Variants in MFAP5 observed in about 807,000 individuals in gnomAD.
The protein encoded by MFAP5 is microfibril associated protein 5, also known as microfibrillar-associated protein 5.
Under a neutral mutation model 30.1 loss-of-function variants are expected in MFAP5, and 19 were observed. The ratio of observed to expected loss-of-function variants is 0.63; its 90% CI spans 0.44 to 0.93. The LOEUF is 0.93. Among genes scored for constraint, MFAP5 ranks in the 40% least tolerant of loss-of-function variants. The pLI is 0.00. For missense variants in MFAP5, 210 were observed against 221.3 expected (o/e 0.95, Z 0.32); for synonymous variants, 92 against 72.9 (o/e 1.26, Z -1.33).
chr12:8,655,919 G>A (rs1401163783), intron 3 of MFAP5, 89 bp from the exon 4 acceptor site: 3 of 1,151,808 alleles, frequency 2.6e-6, no homozygotes, highest in East Asian at 4.7e-5. Context: ...GAAGCATAGT[G>A]CCCAGCGGAG....
At position 8,649,495 on chromosome 12, in the gene MFAP5, T is replaced by C; in HGVS notation, c.409+6A>G. The C allele has an allele frequency of 6.2e-7, 1 of 1,612,956 alleles. No homozygotes were observed. The highest frequency in any genetic ancestry group is 8.5e-7 in the Non-Finnish European group (1 of 1,179,062). On this transcript the variant is annotated splice_donor_region_variant and intron_variant, in intron 9 of 9. Transcript: ENST00000359478. ...CTCTCCATTAAACATCCAGACATCA[T>C]CTTACCTTTCATAGCTTCGTGTTCC... is the stretch of plus-strand genomic sequence containing the variant.
intron 9 of MFAP5, among the ~76,000 whole-genome samples, chr12:8,648,866 T>C (rs1941755447): frequency 6.6e-6 from 1 of 152,226 alleles, no homozygotes; most frequent in South Asian, 2.1e-4. Context: ...GGGCTGGCCA[T>C]GGGGAAGGTG....
intron 7 of MFAP5, 116 bp from the exon 8 acceptor site, chr12:8,650,705 C>A: frequency 1.2e-6 from 1 of 823,926 alleles, no homozygotes; most frequent in Non-Finnish European, 2.0e-6. Context: ...GTAATCTCTA[C>A]AGAGAATCAT....
At chr12:8,660,495 T>C (rs966159673) in intron 3 of MFAP5, among the ~76,000 whole-genome samples, 1 of 152,146 alleles carries the variant, frequency 6.6e-6, no homozygotes, top group Non-Finnish European at 1.5e-5. Flanking sequence ...CTGTCTTTCA[T>C]TTTTCCACTG....
intron 6 of MFAP5, 56 bp downstream of exon 6, chr12:8,654,381 T>TGCACA: frequency 1.3e-6 from 2 of 1,512,890 alleles, no homozygotes; most frequent in Non-Finnish European, 1.8e-6. Context: ...CAGAATGGGC[T>TGCACA]CTGGGGAAAG....
Position 8,646,385 on chromosome 12 carries a change from T to C in MFAP5, c.*1706A>G, listed in dbSNP as rs2136454842. ...TAACTTGTTGTCTCCTAGCTCCTAT[T>C]TGAATTCCATTGGCTTTTATAGAAA... On this transcript the variant is annotated 3_prime_UTR_variant, in exon 10 of 10. Transcript: ENST00000359478. The C allele has an allele frequency of 6.6e-6, 1 of 151,928 alleles. No individual in the cohort carries two copies. The highest frequency in any genetic ancestry group is 2.1e-4 in the South Asian group (1 of 4,830). The allele number at this position is 151,928 out of a possible 1,614,324, so 9.4% of individuals were successfully genotyped here. A position where few individuals can be genotyped will look rare whatever the true frequency, so the allele number is the denominator to read the frequency against.
rs1444470059 is a variant in MFAP5 at position 8,655,942 on chromosome 12, C to T, written c.95-112G>A. 5.8e-6 allele frequency: 5 copies of T among 862,450 alleles called. No individual in the cohort carries two copies. In the East Asian group the frequency reaches 9.7e-5, roughly 17 times the overall value. 53.4% of individuals were successfully genotyped at this position (862,450 alleles called of 1,614,324 possible). ...GTGCCCAGCGGAGTTGAGTATCCCACAAATGTTTTTCCTTGACTGCTTACA... is the reference window on the plus strand; with the variant it reads ...GTGCCCAGCGGAGTTGAGTATCCCATAAATGTTTTTCCTTGACTGCTTACA... On this transcript the variant is annotated intron_variant, in intron 3 of 9. Transcript: ENST00000359478.
chr12:8,660,383 C>T (rs995365240), intron 3 of MFAP5, among the ~76,000 whole-genome samples: 1 of 151,490 alleles, frequency 6.6e-6, no homozygotes, highest in Non-Finnish European at 1.5e-5. Flanking sequence ...GATGAGGTCT[C>T]CCTGTGCTGC....
intron 8 of MFAP5, among the ~76,000 whole-genome samples, chr12:8,650,084 T>C (rs1941792306): frequency 6.6e-6 from 1 of 152,210 alleles, no homozygotes; most frequent in Non-Finnish European, 1.5e-5. Flanking sequence ...TCCAGCTCCA[T>C]CCAAGTTGTT....
intron 3 of MFAP5, among the ~76,000 whole-genome samples, chr12:8,659,335 C>T (rs1942087082): frequency 6.6e-6 from 1 of 151,618 alleles, no homozygotes; most frequent in Non-Finnish European, 1.5e-5. Context: ...AAAAGGGTCT[C>T]ACTATATTGC....
intron 3 of MFAP5, among the ~76,000 whole-genome samples, chr12:8,656,641 C>T (rs749432726): frequency 3.4e-5 from 4 of 119,334 alleles, no homozygotes; most frequent in African/African-American, 3.4e-5. Flanking sequence ...CACACACACA[C>T]ACACACACAT....
At chr12:8,656,583 T>TATATATACACACACACACACACAC (rs1941995098) in intron 3 of MFAP5, among the ~76,000 whole-genome samples, 9 of 135,668 alleles carry the variant, frequency 6.6e-5, no homozygotes, top group African/African-American at 2.4e-4. Context: ...AATATATATA[T>TATATATACACACACACACACACAC]ATATATATAC....
intron 3 of MFAP5, among the ~76,000 whole-genome samples, chr12:8,656,583 T>TATACACACACACACACACACAC (rs1555139590): frequency 2.2e-5 from 3 of 135,656 alleles, no homozygotes; most frequent in Non-Finnish European, 4.6e-5. Flanking sequence ...AATATATATA[T>TATACACACACACACACACACAC]ATATATATAC....
At chr12:8,651,606 A>G in intron 7 of MFAP5, 56 bp downstream of exon 7, 1 of 1,555,022 alleles carries the variant, frequency 6.4e-7, no homozygotes, top group Non-Finnish European at 8.9e-7. Flanking sequence ...ACAAGGAGGT[A>G]AGGAATCCAC....
chr12:8,655,335 A>C, intron 5 of MFAP5, 80 bp downstream of exon 5: 4 of 1,228,046 alleles, frequency 3.3e-6, no homozygotes, highest in Non-Finnish European at 4.6e-6. Flanking sequence ...AAAGCACAGA[A>C]TGAATTCAAG....
chr12:8,658,808 GA>G lies in MFAP5; in HGVS notation c.94+2054del, dbSNP rs944509029. Among the ~76,000 whole-genome samples, 155 of 148,750 alleles carry G rather than the reference GA, an allele frequency of 1.0e-3. 1 individual carries two copies. Among genetic ancestry groups the G allele is most frequent in the East Asian group, 7.4e-3 (38 of 5,128 alleles). On this transcript the variant is annotated intron_variant, in intron 3 of 9. Coordinates refer to ENST00000359478, the MANE Select transcript of MFAP5 (RefSeq NM_003480.4). Reference sequence around the variant, plus strand: ...ATCTAGTATTCATGAAGTTCTCTCTGAAAAAAAAAATTAACGTATTTTCTTT... The same window carrying G: ...ATCTAGTATTCATGAAGTTCTCTCTGAAAAAAAAATTAACGTATTTTCTTT...
Position 8,647,947 on chromosome 12 carries a change from TAGAG to T in MFAP5, c.*140_*143del. The stretch of plus-strand genomic sequence containing the variant: ...AATGTTATCAGTTTGGGTGAAAAAG[TAGAG>T]AGTAGGGGTAAAAGCTGGACATTGC... On this transcript the variant is annotated 3_prime_UTR_variant, in exon 10 of 10. Coordinates refer to ENST00000359478, the MANE Select transcript of MFAP5 (RefSeq NM_003480.4). 1.8e-6 allele frequency: 1 copy of T among 549,438 alleles called. No homozygotes were observed. The allele number at this position is 549,438 out of a possible 1,614,324, so 34.0% of individuals were successfully genotyped here.
intron 6 of MFAP5, 96 bp downstream of exon 6, chr12:8,654,341 T>C (rs752996724): frequency 4.6e-5 from 58 of 1,251,610 alleles, no homozygotes; most frequent in Middle Eastern, 2.1e-4. Flanking sequence ...ATCCTGTCTT[T>C]TTAGGATCCT....
Position 8,652,350 on chromosome 12 carries a change from C to G in MFAP5, c.218-659G>C, listed in dbSNP as rs145347168. Reference sequence around the variant, plus strand: ...ATCCCAGCTACTCAGGAGGCTGAGGCAGGAGAATCACTTGAACCTGGGAGG... The same window carrying G: ...ATCCCAGCTACTCAGGAGGCTGAGGGAGGAGAATCACTTGAACCTGGGAGG... On this transcript the variant is annotated intron_variant, in intron 6 of 9. Transcript: ENST00000359478. 8.6e-3 allele frequency among the ~76,000 whole-genome samples: 1,314 copies of G among 152,130 alleles called. 18 individuals carry two copies. Among genetic ancestry groups the G allele is most frequent in the African/African-American group, 0.03 (1,248 of 41,466 alleles).
Sources: gnomAD v4.1 joint callset for allele counts (sites outside exome capture counted in the v4.1 genomes callset) on GRCh38, gnomAD v4.1.1 for gene constraint, MANE v1.5 for transcripts, NCBI Gene and HGNC (gene_info 2026-07-23, HGNC 2026-07-21) for gene names.